Variants in GLB1L3 observed in about 807,000 individuals in gnomAD.
The protein encoded by GLB1L3 is beta-galactosidase-1-like protein 3.
Under a neutral mutation model 89.5 loss-of-function variants are expected in GLB1L3, and 89 were observed. That is an observed-to-expected ratio of 0.99 (90% CI 0.84 to 1.19). The LOEUF is 1.19. GLB1L3 is among the 50% of genes most tolerant of loss of function. The probability of loss-of-function intolerance (pLI) is 0.00; values close to 1 mark genes in which losing one functional copy is unlikely to be tolerated. For missense variants in GLB1L3, 812 were observed against 813.3 expected (o/e 1.00, Z 0.02); for synonymous variants, 314 against 312.3 (o/e 1.01, Z -0.06).
intron 9 of GLB1L3, among the ~76,000 whole-genome samples, chr11:134,301,338 C>T (rs1225205720): frequency 3.3e-5 from 5 of 152,152 alleles, no homozygotes; most frequent in Admixed American, 6.5e-5. Context: ...ACTCAGAAGT[C>T]TGTTTCCTTC....
intron 9 of GLB1L3, among the ~76,000 whole-genome samples, chr11:134,299,140 A>G (rs1411185382): frequency 2.0e-5 from 3 of 150,762 alleles, no homozygotes; most frequent in Non-Finnish European, 4.4e-5. Flanking sequence ...TATGTTTTTG[A>G]TTTCTAGTAT....
At chr11:134,279,956 C>G (rs1940599660) in intron 3 of GLB1L3, among the ~76,000 whole-genome samples, 1 of 151,952 alleles carries the variant, frequency 6.6e-6, no homozygotes. Flanking sequence ...CCTCCTTCTT[C>G]TTTTTCCCTG....
At chr11:134,324,323 C>T (rs558652755), downstream of GLB1L3, among the ~76,000 whole-genome samples, 23 of 152,208 alleles carry the variant, frequency 1.5e-4, no homozygotes, top group East Asian at 4.4e-3. Flanking sequence ...TTCAGGAAAA[C>T]ATATTTTAGT....
rs146450248 is a variant in GLB1L3 at position 134,282,308 on chromosome 11, C to T, written c.527+188C>T. ...CCTGCGGTACTGCGGTGGCGGGGGG[C>T]GGGGTGCAGTTGTCATCCCCGATTC... On this transcript the variant is annotated intron_variant, in intron 5 of 19. Coordinates refer to ENST00000431683, the MANE Select transcript of GLB1L3 (RefSeq NM_001080407.3). Among the ~76,000 whole-genome samples the T allele has an allele frequency of 8.4e-3, 1,280 of 152,214 alleles. 26 individuals carry two copies. The highest frequency in any genetic ancestry group is 0.029 in the African/African-American group (1,206 of 41,520).
At chr11:134,282,615 C>T (rs1201462427) in intron 5 of GLB1L3, among the ~76,000 whole-genome samples, 1 of 152,202 alleles carries the variant, frequency 6.6e-6, no homozygotes, top group Admixed American at 6.5e-5. Flanking sequence ...AGACCACCCT[C>T]AGCTCCCCTC....
intron 12 of GLB1L3, 31 bp from the exon 13 acceptor site, chr11:134,311,033 C>CT: frequency 6.4e-7 from 1 of 1,557,534 alleles, no homozygotes; most frequent in African/African-American, 1.4e-5. Context: ...ATCTCAGGCA[C>CT]TTTTTGCCCT....
rs143951478 is a variant in GLB1L3 at position 134,300,784 on chromosome 11, A to G, written c.877-6340A>G. Among the ~76,000 whole-genome samples, 393 of 152,190 alleles carry G rather than the reference A, an allele frequency of 2.6e-3. 1 individual carries two copies. Among genetic ancestry groups the G allele is most frequent in the African/African-American group, 9.3e-3 (384 of 41,512 alleles). ...TGGTGTGTCAAAATTTCCTCTTCTT[A>G]TGAGGACCCCGGTGACATGGGATTA... On this transcript the variant is annotated intron_variant, in intron 9 of 19. Coordinates refer to ENST00000431683, the MANE Select transcript of GLB1L3 (RefSeq NM_001080407.3).
At chr11:134,279,328 T>C (rs1314217613) in intron 3 of GLB1L3, among the ~76,000 whole-genome samples, 1 of 151,776 alleles carries the variant, frequency 6.6e-6, no homozygotes, top group African/African-American at 2.4e-5. Context: ...TCCCCCTTTT[T>C]TTCTTTCCTT....
chr11:134,312,961 C>G, intron 15 of GLB1L3, 74 bp downstream of exon 15: 1 of 1,065,630 alleles, frequency 9.4e-7, no homozygotes, highest in Non-Finnish European at 1.4e-6. Flanking sequence ...CTGAGACAGT[C>G]AGCCTCCCTT....
At position 134,312,800 on chromosome 11, in the gene GLB1L3, G is replaced by A. The variant is rs767382742; in HGVS notation, c.1429-16G>A. The A allele has an allele frequency of 2.7e-5, 43 of 1,604,130 alleles. No individual in the cohort carries two copies. The highest frequency in any genetic ancestry group is 2.0e-4 in the East Asian group (9 of 44,792). ...CGGGTGGGCCTAGCAGTCTGACGCCGGCTCTTCTTTTGCAGGTGTTTTTGG... is the reference window on the plus strand; with the variant it reads ...CGGGTGGGCCTAGCAGTCTGACGCCAGCTCTTCTTTTGCAGGTGTTTTTGG... On this transcript the variant is annotated splice_polypyrimidine_tract_variant and intron_variant, in intron 14 of 19. Transcript: ENST00000431683.
At chr11:134,286,298 C>G (rs115231023) in intron 6 of GLB1L3, among the ~76,000 whole-genome samples, 1 of 152,180 alleles carries the variant, frequency 6.6e-6, no homozygotes, top group Non-Finnish European at 1.5e-5. Context: ...AATGGTGTTG[C>G]TGCAATACAG....
intron 9 of GLB1L3, among the ~76,000 whole-genome samples, chr11:134,298,156 G>T (rs1941758098): frequency 6.6e-6 from 1 of 151,810 alleles, no homozygotes; most frequent in East Asian, 1.9e-4. Flanking sequence ...ATGCCTAGAT[G>T]TGGTTTGTTT....
At position 134,319,090 on chromosome 11, in the gene GLB1L3, G is replaced by A. The variant is rs1004685988; in HGVS notation, c.*148G>A. 55 of 621,952 alleles carry A rather than the reference G, an allele frequency of 8.8e-5. No homozygotes were observed. The highest frequency in any genetic ancestry group is 4.0e-4 in the Admixed American group (14 of 35,346). The allele number at this position is 621,952 out of a possible 1,614,324, so 38.5% of individuals were successfully genotyped here. On this transcript the variant is annotated 3_prime_UTR_variant, in exon 20 of 20. Transcript: ENST00000431683. Reference sequence around the variant, plus strand: ...CTGCCTCAGCCTCCCCAGCAGCTGGGACTACAGGTGCACGCCACCACGCCT... The same window carrying A: ...CTGCCTCAGCCTCCCCAGCAGCTGGAACTACAGGTGCACGCCACCACGCCT...
At position 134,313,416 on chromosome 11, in the gene GLB1L3, C is replaced by T. The variant is rs866061217; in HGVS notation, c.1521C>T (p.Ile507=). 6.3e-7 allele frequency: 1 copy of T among 1,584,498 alleles called. No homozygotes were observed. The highest frequency in any genetic ancestry group is 8.6e-7 in the Non-Finnish European group (1 of 1,165,138). Residue 507 remains isoleucine, a synonymous_variant, in exon 16 of 20, where the codon ATC becomes ATT. Coordinates refer to ENST00000431683, the MANE Select transcript of GLB1L3 (RefSeq NM_001080407.3). Reference sequence around the variant, plus strand: ...AGCAGGACTGCCGATACCTGAGGATCCTGGTGGAGAATCAAGGACGAGTCA... The same window carrying T: ...AGCAGGACTGCCGATACCTGAGGATTCTGGTGGAGAATCAAGGACGAGTCA... ...PELRDCRYLR[I]LVENQGRVNF... is the part of the protein sequence containing the mutation.
At chr11:134,322,726 G>T (rs1943182161), downstream of GLB1L3, among the ~76,000 whole-genome samples, 1 of 152,198 alleles carries the variant, frequency 6.6e-6, no homozygotes, top group East Asian at 1.9e-4. Flanking sequence ...AAGCTTCATG[G>T]ATGCTGTAGC....
chr11:134,308,211 C>CCACCACCACCAA lies in GLB1L3; in HGVS notation c.961+1008_961+1009insCCACCAACACCA, dbSNP rs1942328066. ...ATCATCACCATCACCACTACCACCA[C>CCACCACCACCAA]CACCATCACCATCACCACCACCACC... is the stretch of plus-strand genomic sequence containing the variant. On this transcript the variant is annotated intron_variant, in intron 10 of 19. Coordinates refer to ENST00000431683, the MANE Select transcript of GLB1L3 (RefSeq NM_001080407.3). Among the ~76,000 whole-genome samples the CCACCACCACCAA allele has an allele frequency of 7.2e-5, 2 of 27,858 alleles. 1 individual carries two copies. The highest frequency in any genetic ancestry group is 5.1e-4 in the Admixed American group (2 of 3,946). The allele number at this position is 27,858 out of a possible 152,430, so 18.3% of individuals were successfully genotyped here. A position where few individuals can be genotyped will look rare whatever the true frequency, so the allele number is the denominator to read the frequency against.
At chr11:134,314,652 CAAT>C (rs1433933091) in intron 18 of GLB1L3, among the ~76,000 whole-genome samples, 3 of 152,128 alleles carry the variant, frequency 2.0e-5, no homozygotes, top group Non-Finnish European at 4.4e-5. Flanking sequence ...AAAATTCAAA[CAAT>C]AACAAGAGGG....
At chr11:134,312,673 G>A in intron 14 of GLB1L3, 143 bp from the exon 15 acceptor site, 1 of 958,310 alleles carries the variant, frequency 1.0e-6, no homozygotes, top group Non-Finnish European at 1.6e-6. Flanking sequence ...AGTCTCTTGG[G>A]GCCTCCAGGC....
intron 10 of GLB1L3, among the ~76,000 whole-genome samples, chr11:134,307,924 G>A (rs905604698): frequency 1.3e-5 from 2 of 152,074 alleles, no homozygotes; most frequent in African/African-American, 4.8e-5. Context: ...TATTTCGAAA[G>A]AGCTGTTATG....
Sources: allele counts gnomAD v4.1 joint callset (sites outside exome capture counted in the v4.1 genomes callset), GRCh38; gene constraint gnomAD v4.1.1; transcripts MANE v1.5; gene names NCBI Gene and HGNC (gene_info 2026-07-23, HGNC 2026-07-21).